Variants in AKT3 observed in about 807,000 individuals in gnomAD.
The protein encoded by AKT3 is RAC-gamma serine/threonine-protein kinase.
Under a neutral mutation model 65.3 loss-of-function variants are expected in AKT3, and 15 were observed. That is an observed-to-expected ratio of 0.23 (90% CI 0.15 to 0.35). The LOEUF (loss-of-function observed/expected upper bound fraction) is 0.35. AKT3 is among the 10% of genes least tolerant of loss of function. The pLI, the probability that AKT3 is intolerant of heterozygous loss-of-function variation, is 1.00. For missense variants in AKT3, 243 were observed against 576.5 expected (o/e 0.42, Z 5.92); for synonymous variants, 206 against 183.8 (o/e 1.12, Z -0.98).
chr1:243,643,738 A>C (rs941073504), intron 5 of AKT3, among the ~76,000 whole-genome samples: 1 of 152,238 alleles, frequency 6.6e-6, no homozygotes, highest in African/African-American at 2.4e-5. Flanking sequence ...TAGCCATCAT[A>C]ATCAGTACCT....
chr1:243,688,338 T>C (rs780114410), intron 3 of AKT3, among the ~76,000 whole-genome samples: 1 of 152,058 alleles, frequency 6.6e-6, no homozygotes, highest in Non-Finnish European at 1.5e-5. Flanking sequence ...AATGAAAAGA[T>C]ATAGGCTATA....
In AKT3 at chr1:243,826,494, G is replaced by A. The variant is rs1694177188; in HGVS notation, c.46+16631C>T. 2.0e-5 allele frequency among the ~76,000 whole-genome samples: 3 copies of A among 152,188 alleles called. No individual in the cohort carries two copies. The South Asian group carries it at 6.2e-4, about 31-fold the overall frequency. ...GTTCTGGAAAAGTAAGTCTGATAGCGAGCTTCGGAGAAAGCTTTTGCATTC... is the reference window on the plus strand; with the variant it reads ...GTTCTGGAAAAGTAAGTCTGATAGCAAGCTTCGGAGAAAGCTTTTGCATTC... On this transcript the variant is annotated intron_variant, in intron 2 of 13. Transcript: ENST00000673466.
chr1:243,748,410 C>T (rs1319690161), intron 2 of AKT3, among the ~76,000 whole-genome samples: 2 of 151,782 alleles, frequency 1.3e-5, no homozygotes, highest in Non-Finnish European at 2.9e-5. Flanking sequence ...GATAGGAAGG[C>T]CACACAGTGT....
intron 2 of AKT3, among the ~76,000 whole-genome samples, chr1:243,824,537 A>G (rs920187211): frequency 6.6e-6 from 1 of 152,196 alleles, no homozygotes; most frequent in African/African-American, 2.4e-5. Context: ...CAGAATCTAC[A>G]AAGACCTTAA....
intron 13 of AKT3, chr1:243,489,283 G>C: frequency 8.6e-7 from 1 of 1,161,322 alleles, no homozygotes; most frequent in Non-Finnish European, 1.2e-6. Flanking sequence ...GACTGTGCTG[G>C]GCACAGTGCA....
chr1:243,623,508 A>G (rs1308065956), intron 6 of AKT3, among the ~76,000 whole-genome samples: 3 of 152,156 alleles, frequency 2.0e-5, no homozygotes, highest in Non-Finnish European at 2.9e-5. Context: ...CCATCCAATC[A>G]ACTAAGAGCC....
intron 10 of AKT3, among the ~76,000 whole-genome samples, chr1:243,553,693 A>G (rs1331512113): frequency 6.6e-6 from 1 of 152,190 alleles, no homozygotes; most frequent in Non-Finnish European, 1.5e-5. Flanking sequence ...CACGTAAAAT[A>G]AATTTAGTTA....
intron 3 of AKT3, among the ~76,000 whole-genome samples, chr1:243,665,177 T>C (rs936429371): frequency 1.3e-5 from 2 of 152,192 alleles, no homozygotes; most frequent in African/African-American, 2.4e-5. Context: ...TGAAATACTT[T>C]CCTCACTTAT....
chr1:243,494,464 A>G (rs1034019374), intron 13 of AKT3, among the ~76,000 whole-genome samples: 37 of 152,334 alleles, frequency 2.4e-4, no homozygotes, highest in Non-Finnish European at 5.1e-4. Context: ...AAAATGACAC[A>G]AGACCCTGGG....
chr1:243,618,582 G>C (rs896037229), intron 6 of AKT3, among the ~76,000 whole-genome samples: 7 of 152,010 alleles, frequency 4.6e-5, no homozygotes, highest in Admixed American at 4.6e-4. Flanking sequence ...AATGCTTGGG[G>C]ATACAATGTA....
chr1:243,538,987 T>C (rs572326169), intron 12 of AKT3, among the ~76,000 whole-genome samples: 98 of 152,244 alleles, frequency 6.4e-4, no homozygotes, highest in Non-Finnish European at 1.3e-3. Flanking sequence ...ATCAACTATC[T>C]TTTTCAGAAA....
intron 2 of AKT3, among the ~76,000 whole-genome samples, chr1:243,738,113 T>C (rs1338327216): frequency 1.3e-5 from 2 of 152,226 alleles, no homozygotes; most frequent in African/African-American, 4.8e-5. Flanking sequence ...TTTTCACATT[T>C]GCATCCTAAT....
chr1:243,836,437 TG>T (rs924868143), intron 2 of AKT3, among the ~76,000 whole-genome samples: 4 of 150,766 alleles, frequency 2.7e-5, no homozygotes, highest in Admixed American at 1.3e-4. Flanking sequence ...CAATCATAGC[TG>T]GAGACTATAA....
chr1:243,703,443 T>C (rs1004207409), intron 2 of AKT3, among the ~76,000 whole-genome samples: 8 of 152,134 alleles, frequency 5.3e-5, no homozygotes, highest in African/African-American at 1.7e-4. Flanking sequence ...CAACTTATCA[T>C]AACCATGTTT....
intron 12 of AKT3, among the ~76,000 whole-genome samples, chr1:243,539,270 T>C (rs1057265382): frequency 8.5e-5 from 13 of 152,150 alleles, no homozygotes; most frequent in African/African-American, 3.1e-4. Flanking sequence ...GAGGAAGACC[T>C]TTACGATAAT....
chr1:243,707,260 T>C (rs1333975116), intron 2 of AKT3, among the ~76,000 whole-genome samples: 1 of 152,220 alleles, frequency 6.6e-6, no homozygotes, highest in East Asian at 1.9e-4. Flanking sequence ...CTTTAATTTG[T>C]CTAGACTATC....
intron 6 of AKT3, among the ~76,000 whole-genome samples, chr1:243,618,083 ATTACATTCTATTTTG>A (rs1301505192): frequency 6.6e-6 from 1 of 152,144 alleles, no homozygotes; most frequent in Non-Finnish European, 1.5e-5. Flanking sequence ...TCAGTGGGGT[ATTACATTCTATTTTG>A]TTAAAACAGG....
chr1:243,512,233 T>TC (rs1670059305), intron 13 of AKT3, 91 bp downstream of exon 13: 3 of 653,118 alleles, frequency 4.6e-6, no homozygotes, highest in Non-Finnish European at 7.5e-6. Flanking sequence ...ATCTTGAAAA[T>TC]ATCAGATGAG....
At chr1:243,554,997 A>G (rs1230975767) in intron 10 of AKT3, among the ~76,000 whole-genome samples, 1 of 152,176 alleles carries the variant, frequency 6.6e-6, no homozygotes, top group Non-Finnish European at 1.5e-5. Context: ...ATAAAACTGC[A>G]TTGTAAAAAA....
Sources: allele counts gnomAD v4.1 joint callset (sites outside exome capture counted in the v4.1 genomes callset), GRCh38; gene constraint gnomAD v4.1.1; transcripts MANE v1.5; gene names NCBI Gene and HGNC (gene_info 2026-07-23, HGNC 2026-07-21).